PTPRM: variants seen among roughly 807,000 people sequenced by gnomAD.
The protein encoded by PTPRM is receptor-type tyrosine-protein phosphatase mu.
Under a neutral mutation model 186.7 loss-of-function variants are expected in PTPRM, and 47 were observed. That is an observed-to-expected ratio of 0.25 (90% CI 0.20 to 0.32). PTPRM has a LOEUF of 0.32. Ranked by LOEUF, PTPRM falls within the 10% of genes least tolerant of loss-of-function variation. The pLI is 1.00. For missense variants in PTPRM, 1,494 were observed against 1,865.0 expected, an observed-to-expected ratio of 0.80 and a Z score of 3.66; for synonymous variants, 668 against 674.9, an observed-to-expected ratio of 0.99 and a Z score of 0.16.
At chr18:8,003,663 TA>T (rs2084003670) in intron 7 of PTPRM, among the ~76,000 whole-genome samples, 1 of 152,224 alleles carries the variant, frequency 6.6e-6, no homozygotes, top group Non-Finnish European at 1.5e-5. Flanking sequence ...CTTAAAGCCT[TA>T]AACTAAATTC....
chr18:8,248,337 G>C, intron 17 of PTPRM, 161 bp downstream of exon 17: 2 of 764,062 alleles, frequency 2.6e-6, no homozygotes, highest in South Asian at 2.8e-5. Flanking sequence ...AGGAAAAAGA[G>C]ACTTTTCTCT....
rs562234935 is a variant in PTPRM, at chr18:8,369,360, T to C, written c.3055-1530T>C. Among the ~76,000 whole-genome samples the C allele has an allele frequency of 2.0e-5, 3 of 152,344 alleles. No homozygotes were observed. The South Asian group carries it at 6.2e-4, about 32-fold the overall frequency. On this transcript the variant is annotated intron_variant, in intron 23 of 32. Coordinates refer to ENST00000580170, the MANE Select transcript of PTPRM (RefSeq NM_001105244.2). ...CTGGGATTACACATTGAGAGAGTTT[T>C]TGTGGTATTGGGACACATAGAATGC...
At chr18:7,652,592 T>C (rs1223318636) in intron 1 of PTPRM, among the ~76,000 whole-genome samples, 1 of 151,938 alleles carries the variant, frequency 6.6e-6, no homozygotes, top group Non-Finnish European at 1.5e-5. Flanking sequence ...GATGAGTTCA[T>C]GTCCTTTGTA....
At chr18:8,378,240 T>C in intron 26 of PTPRM, 25 bp from the exon 27 acceptor site, 1 of 1,591,756 alleles carries the variant, frequency 6.3e-7, no homozygotes. Context: ...CTAAAGTTAG[T>C]AACTCGTTCC....
chr18:8,351,718 C>T (rs1005540651), intron 23 of PTPRM, among the ~76,000 whole-genome samples: 1 of 152,234 alleles, frequency 6.6e-6, no homozygotes, highest in African/African-American at 2.4e-5. Flanking sequence ...TAACACAAAA[C>T]TAGAAGTCAA....
intron 14 of PTPRM, among the ~76,000 whole-genome samples, chr18:8,160,751 C>A (rs753754594): frequency 2.0e-5 from 3 of 152,238 alleles, no homozygotes; most frequent in Non-Finnish European, 2.9e-5. Flanking sequence ...CATTTCCAGG[C>A]AGCTCTTCTC....
chr18:8,101,979 C>G (rs1197653456), intron 11 of PTPRM, among the ~76,000 whole-genome samples: 2 of 152,110 alleles, frequency 1.3e-5, no homozygotes, highest in African/African-American at 2.4e-5. Flanking sequence ...CAGATCACTG[C>G]AATAAAGTGA....
chr18:7,975,434 C>T (rs898276306), intron 7 of PTPRM, among the ~76,000 whole-genome samples: 1 of 152,098 alleles, frequency 6.6e-6, no homozygotes, highest in African/African-American at 2.4e-5. Flanking sequence ...CAGAAATGAG[C>T]TATTAAGCCA....
At chr18:7,981,503 C>T (rs1202617105) in intron 7 of PTPRM, among the ~76,000 whole-genome samples, 2 of 152,290 alleles carry the variant, frequency 1.3e-5, no homozygotes, top group Admixed American at 6.5e-5. Flanking sequence ...GGCAGTCTCC[C>T]CTCCACCCCA....
intron 7 of PTPRM, among the ~76,000 whole-genome samples, chr18:7,980,952 A>G (rs2082515490): frequency 6.6e-6 from 1 of 152,160 alleles, no homozygotes; most frequent in Non-Finnish European, 1.5e-5. Context: ...CACTCTGGGA[A>G]TGGAAATGAG....
intron 2 of PTPRM, among the ~76,000 whole-genome samples, chr18:7,839,758 G>A (rs1410614360): frequency 4.6e-5 from 7 of 152,098 alleles, no homozygotes; most frequent in African/African-American, 9.7e-5. Flanking sequence ...TCAGCACTAG[G>A]CCTCACCTAC....
intron 1 of PTPRM, among the ~76,000 whole-genome samples, chr18:7,676,660 T>C (rs947481805): frequency 3.4e-5 from 4 of 117,484 alleles, no homozygotes; most frequent in Admixed American, 3.3e-4. Flanking sequence ...TGTGTGTGTG[T>C]GTATGTGTGT....
chr18:8,364,007 C>T (rs916111876), intron 23 of PTPRM, among the ~76,000 whole-genome samples: 4 of 152,020 alleles, frequency 2.6e-5, no homozygotes, highest in South Asian at 2.1e-4. Context: ...AAGGCAGGAC[C>T]GTAAAGGCAT....
At chr18:7,846,866 T>C (rs1443738469) in intron 2 of PTPRM, among the ~76,000 whole-genome samples, 1 of 152,154 alleles carries the variant, frequency 6.6e-6, no homozygotes, top group African/African-American at 2.4e-5. Context: ...TCTCTTCCTC[T>C]TCAGTGTTCT....
chr18:8,240,639 GAGAGAGAGAGAGAGAAAGAAAGAA>G (rs555862970), intron 14 of PTPRM, among the ~76,000 whole-genome samples: 16,699 of 70,436 alleles, frequency 0.24, 2,219 homozygotes, highest in Non-Finnish European at 0.29. Flanking sequence ...GAGAGAGAGA[GAGAGAGAGAGAGAGAAAGAAAGAA>G]AGAAAGAAAG....
intron 19 of PTPRM, among the ~76,000 whole-genome samples, chr18:8,288,467 C>T (rs529546487): frequency 6.6e-6 from 1 of 152,314 alleles, no homozygotes; most frequent in East Asian, 1.9e-4. Flanking sequence ...TATCCCCTAA[C>T]ACCCACCGTC....
At chr18:7,653,127 A>G (rs2038759924) in intron 1 of PTPRM, among the ~76,000 whole-genome samples, 1 of 147,704 alleles carries the variant, frequency 6.8e-6, no homozygotes, top group Non-Finnish European at 1.5e-5. Flanking sequence ...CTTTATTATT[A>G]TTATTATTAT....
intron 7 of PTPRM, among the ~76,000 whole-genome samples, chr18:7,980,675 T>G (rs1437829296): frequency 6.6e-6 from 1 of 152,184 alleles, no homozygotes; most frequent in Non-Finnish European, 1.5e-5. Context: ...TGAGCCACTG[T>G]GTCCAGCCAT....
At chr18:8,304,124 T>C (rs1256883475) in intron 20 of PTPRM, among the ~76,000 whole-genome samples, 1 of 152,236 alleles carries the variant, frequency 6.6e-6, no homozygotes, top group Non-Finnish European at 1.5e-5. Context: ...TTATCAGTGA[T>C]ACACTCTATT....
Sources: allele counts gnomAD v4.1 joint callset (sites outside exome capture counted in the v4.1 genomes callset), GRCh38; gene constraint gnomAD v4.1.1; transcripts MANE v1.5; gene names NCBI Gene and HGNC (gene_info 2026-07-23, HGNC 2026-07-21).